MAGI2: variants seen among roughly 807,000 people sequenced by gnomAD.
MAGI2 encodes membrane-associated guanylate kinase, WW and PDZ domain-containing protein 2.
MAGI2 carries 35 observed loss-of-function variants against 133.3 expected under a neutral mutation model. The observed-to-expected ratio is 0.26, with a 90% CI of 0.20 to 0.35. The LOEUF (loss-of-function observed/expected upper bound fraction) is 0.35. MAGI2 is among the 10% of genes least tolerant of loss of function. The pLI, the probability that MAGI2 is intolerant of heterozygous loss-of-function variation, is 1.00. For synonymous variants in MAGI2, 729 were observed against 710.6 expected (o/e 1.03, Z -0.41); for missense variants, 1,636 against 1,863.4 (o/e 0.88, Z 2.25).
In MAGI2 at chr7:78,205,324, G is replaced by A. The variant is rs1829632232; in HGVS notation, c.2048-4131C>T. Among the ~76,000 whole-genome samples, 3 of 152,090 alleles carry A rather than the reference G, an allele frequency of 2.0e-5. 1 individual carries two copies. The South Asian group carries it at 6.2e-4, about 32-fold the overall frequency. On this transcript the variant is annotated intron_variant, in intron 10 of 21. Coordinates refer to ENST00000354212, the MANE Select transcript of MAGI2 (RefSeq NM_012301.4). Reference sequence around the variant, plus strand: ...TTTTTGTATTTTTAGTAGAGATGGGGTTTCCCCATGGTGGTCAGGCTGGTC... The same window carrying A: ...TTTTTGTATTTTTAGTAGAGATGGGATTTCCCCATGGTGGTCAGGCTGGTC...
At chr7:79,269,574 GATA>G (rs1356211079) in intron 1 of MAGI2, among the ~76,000 whole-genome samples, 4 of 152,102 alleles carry the variant, frequency 2.6e-5, no homozygotes. Context: ...GTACAAAACT[GATA>G]ATATTTAACA....
intron 2 of MAGI2, among the ~76,000 whole-genome samples, chr7:78,640,561 G>A (rs965632841): frequency 1.3e-5 from 2 of 152,142 alleles, no homozygotes; most frequent in African/African-American, 2.4e-5. Flanking sequence ...CTCCTTTAGA[G>A]AGATCAAGAC....
chr7:78,711,306 A>C (rs1257141810), intron 2 of MAGI2, among the ~76,000 whole-genome samples: 1 of 152,152 alleles, frequency 6.6e-6, no homozygotes, highest in African/African-American at 2.4e-5. Flanking sequence ...AAGAGTATAT[A>C]TAATAGTAAT....
At chr7:78,576,430 G>C (rs1393658342) in intron 3 of MAGI2, among the ~76,000 whole-genome samples, 1 of 152,166 alleles carries the variant, frequency 6.6e-6, no homozygotes, top group African/African-American at 2.4e-5. Context: ...TGGCCCTCCT[G>C]TCTGTCATTC....
chr7:78,277,905 C>T (rs893808174), intron 9 of MAGI2, among the ~76,000 whole-genome samples: 1 of 151,992 alleles, frequency 6.6e-6, no homozygotes, highest in African/African-American at 2.4e-5. Context: ...GTAATCAGAG[C>T]AGGCAGACAG....
intron 1 of MAGI2, among the ~76,000 whole-genome samples, chr7:79,147,698 C>A (rs1252599423): frequency 1.3e-5 from 2 of 152,160 alleles, no homozygotes; most frequent in African/African-American, 4.8e-5. Context: ...CTCTCTCTGC[C>A]CCTCTCCAGA....
intron 1 of MAGI2, among the ~76,000 whole-genome samples, chr7:79,267,111 C>T (rs1834523226): frequency 6.6e-6 from 1 of 152,128 alleles, no homozygotes; most frequent in Non-Finnish European, 1.5e-5. Context: ...ATTTTGCTTG[C>T]AATTTCCCCT....
At chr7:79,363,259 T>C (rs1239490796) in intron 1 of MAGI2, among the ~76,000 whole-genome samples, 4 of 150,594 alleles carry the variant, frequency 2.7e-5, no homozygotes, top group Non-Finnish European at 6.0e-5. Context: ...AGCTTCGTAA[T>C]GCTGATCAAA....
chr7:78,328,529 A>ACACACACACACACACACACAC (rs1408831333), intron 9 of MAGI2, among the ~76,000 whole-genome samples: 11 of 99,872 alleles, frequency 1.1e-4, no homozygotes, highest in Admixed American at 3.8e-4. Context: ...ACACACACAC[A>ACACACACACACACACACACAC]CCCCTCTCTC....
intron 2 of MAGI2, among the ~76,000 whole-genome samples, chr7:78,655,402 CA>C (rs1288779355): frequency 1.8e-4 from 9 of 50,660 alleles, no homozygotes; most frequent in South Asian, 1.2e-3. Context: ...TTGGCTTATA[CA>C]AAAAACAAAA....
At chr7:78,445,232 G>T (rs1014091374) in intron 6 of MAGI2, among the ~76,000 whole-genome samples, 2 of 151,840 alleles carry the variant, frequency 1.3e-5, no homozygotes, top group Admixed American at 6.6e-5. Flanking sequence ...GCAACTATCT[G>T]CCCTCCTCAA....
At chr7:78,040,604 G>A (rs1810724113) in intron 21 of MAGI2, among the ~76,000 whole-genome samples, 1 of 152,178 alleles carries the variant, frequency 6.6e-6, no homozygotes, top group Non-Finnish European at 1.5e-5. Context: ...GAGCAGCGGG[G>A]CTCAGCTCTG....
chr7:78,612,886 G>A (rs2150915979), intron 3 of MAGI2, among the ~76,000 whole-genome samples: 1 of 152,114 alleles, frequency 6.6e-6, no homozygotes, highest in Non-Finnish European at 1.5e-5. Context: ...TAGCCAGGAT[G>A]GTCTCGATCT....
At chr7:78,148,349 C>T (rs1314296492) in intron 16 of MAGI2, among the ~76,000 whole-genome samples, 2 of 152,096 alleles carry the variant, frequency 1.3e-5, no homozygotes, top group Admixed American at 1.3e-4. Context: ...TAGAACAAAA[C>T]AAATCAGTGC....
At chr7:78,617,492 A>G (rs1045880433) in intron 3 of MAGI2, 1 of 152,110 alleles carries the variant, frequency 6.6e-6, no homozygotes, top group Non-Finnish European at 1.5e-5. Flanking sequence ...TAGTCAAGGA[A>G]GTACTGATAC....
intron 2 of MAGI2, among the ~76,000 whole-genome samples, chr7:78,655,831 AT>A (rs1812188889): frequency 6.6e-6 from 1 of 151,902 alleles, no homozygotes; most frequent in Admixed American, 6.6e-5. Context: ...AATATAAAAA[AT>A]TAGCCAGGCG....
chr7:78,135,415 C>T (rs1166950970), intron 16 of MAGI2, among the ~76,000 whole-genome samples: 1 of 152,156 alleles, frequency 6.6e-6, no homozygotes, highest in African/African-American at 2.4e-5. Context: ...CAGTGATAGG[C>T]CAATTCCAAA....
chr7:78,592,340 A>ATTTTT (rs200747288), intron 3 of MAGI2, among the ~76,000 whole-genome samples: 6,831 of 147,314 alleles, frequency 0.046, 202 homozygotes, highest in South Asian at 0.088. Flanking sequence ...ATAGTAGACT[A>ATTTTT]TTTTTTTTTT....
intron 9 of MAGI2, among the ~76,000 whole-genome samples, chr7:78,259,294 A>G (rs1793295864): frequency 6.6e-6 from 1 of 152,182 alleles, no homozygotes; most frequent in African/African-American, 2.4e-5. Context: ...AGTAGAGATC[A>G]CATGGGATAT....
Sources: allele counts gnomAD v4.1 joint callset (sites outside exome capture counted in the v4.1 genomes callset), GRCh38; gene constraint gnomAD v4.1.1; transcripts MANE v1.5; gene names NCBI Gene and HGNC (gene_info 2026-07-23, HGNC 2026-07-21).